The following RSPH1 variants were observed in gnomAD, a reference collection of about 807,000 sequenced individuals.
The protein encoded by RSPH1 is radial spoke head component 1, also known as radial spoke head 1 homolog.
A neutral mutation model predicts 44.2 loss-of-function variants in RSPH1; 32 were observed. The ratio of observed to expected loss-of-function variants is 0.72; its 90% CI spans 0.55 to 0.97. The LOEUF (loss-of-function observed/expected upper bound fraction) is 0.97, where lower values mean the gene tolerates loss of function less well. RSPH1 is among the 50% of genes least tolerant of loss of function. RSPH1 has a pLI of 0.00. For missense variants in RSPH1, 391 were observed against 398.7 expected, an observed-to-expected ratio of 0.98 and a Z score of 0.16; for synonymous variants, 134 against 147.3, an observed-to-expected ratio of 0.91 and a Z score of 0.65.
chr21:42,475,827 G>C, intron 8 of RSPH1, 71 bp downstream of exon 8: 1 of 1,548,104 alleles, frequency 6.5e-7, no homozygotes, highest in Non-Finnish European at 8.8e-7. Flanking sequence ...TTGGTGAAGG[G>C]AAGGGGAATC....
intron 6 of RSPH1, among the ~76,000 whole-genome samples, chr21:42,481,895 G>T (rs2054131121): frequency 1.3e-5 from 2 of 152,148 alleles, no homozygotes; most frequent in African/African-American, 4.8e-5. Context: ...ATTAATGTTA[G>T]ATATTGGAAA....
chr21:42,476,294 G>T (rs1346988273), intron 7 of RSPH1, among the ~76,000 whole-genome samples: 1 of 152,090 alleles, frequency 6.6e-6, no homozygotes, highest in Non-Finnish European at 1.5e-5. Context: ...ATTCCTGAGG[G>T]TGTTGATGAG....
Position 42,477,386 on chromosome 21 carries a change from G to A in RSPH1, c.632C>T (p.Ala211Val). ...ELVTVVPKWK[A>V]TQITELALWT... The stretch of plus-strand genomic sequence containing the variant: ...CAGGGCCAATTCAGTGATTTGGGTA[G>A]CTTTCCATTTTGGAACAACAGTTAC... The change falls in exon 7 of 9, where the codon GCT becomes GTT. Residue 211 changes from alanine (A) to valine (V), a missense_variant. Transcript: ENST00000291536. 1 of 1,614,094 alleles carries A rather than the reference G, an allele frequency of 6.2e-7. No individual in the cohort carries two copies. Among genetic ancestry groups the A allele is most frequent in the Non-Finnish European group, 8.5e-7 (1 of 1,179,948 alleles).
At position 42,496,116 on chromosome 21, in the gene RSPH1, T is replaced by G. The variant is rs1479343137; in HGVS notation, c.54+17A>C. Reference sequence around the variant, plus strand: ...GCTGCGCACCCTGGGAAGCCCTTTCTCACCAGGAGCTCTCACCCCAATATC... The same window carrying G: ...GCTGCGCACCCTGGGAAGCCCTTTCGCACCAGGAGCTCTCACCCCAATATC... On this transcript the variant is annotated intron_variant, in intron 1 of 8. Transcript: ENST00000291536. 6.2e-7 allele frequency: 1 copy of G among 1,613,920 alleles called. No homozygotes were observed. The highest frequency in any genetic ancestry group is 8.5e-7 in the Non-Finnish European group (1 of 1,179,968).
chr21:42,483,163 C>A (rs1318836244), intron 5 of RSPH1, among the ~76,000 whole-genome samples: 1 of 152,086 alleles, frequency 6.6e-6, no homozygotes, highest in African/African-American at 2.4e-5. Context: ...TAACAGTTGC[C>A]ACCTGGTACT....
At chr21:42,493,193 C>T in intron 1 of RSPH1, 114 bp from the exon 2 acceptor site, 1 of 855,164 alleles carries the variant, frequency 1.2e-6, no homozygotes, top group Non-Finnish European at 1.9e-6. Context: ...AAACCCCCGG[C>T]ACTATACTCA....
rs569055235 is a variant in RSPH1 at position 42,494,491 on chromosome 21, C to T, written c.55-1412G>A. Among the ~76,000 whole-genome samples, 13 of 152,280 alleles carry T rather than the reference C, an allele frequency of 8.5e-5. No homozygotes were observed. In the South Asian group the frequency reaches 2.7e-3, roughly 32 times the overall value. The stretch of plus-strand genomic sequence containing the variant: ...ATGTACAAAAGTCCCCTCCTTCTAT[C>T]CAAGAGGCTTCCCAATACACCCAAC... On this transcript the variant is annotated intron_variant, in intron 1 of 8. Transcript: ENST00000291536.
chr21:42,487,714 C>T (rs1248407482), intron 3 of RSPH1, among the ~76,000 whole-genome samples: 1 of 152,094 alleles, frequency 6.6e-6, no homozygotes, highest in East Asian at 1.9e-4. Context: ...AAGCTTCTGG[C>T]TTACACAAAA....
chr21:42,484,894 G>C (rs1311432770), intron 5 of RSPH1: 2 of 152,152 alleles, frequency 1.3e-5, no homozygotes, highest in African/African-American at 2.4e-5. Context: ...TGAATTATAC[G>C]TAAATGAAAA....
chr21:42,486,344 C>T (rs1338005048), intron 4 of RSPH1, 27 bp downstream of exon 4: 8 of 1,499,158 alleles, frequency 5.3e-6, no homozygotes, highest in Admixed American at 5.0e-5. Context: ...AAGCAAATCC[C>T]GTTAAGACCC....
chr21:42,485,473 C>T, intron 5 of RSPH1, 196 bp downstream of exon 5: 1 of 614,416 alleles, frequency 1.6e-6, no homozygotes, highest in East Asian at 2.9e-5. Flanking sequence ...CGGGCCAATC[C>T]CTCCCTTCCC....
chr21:42,479,815 G>T (rs2054107351), intron 6 of RSPH1, among the ~76,000 whole-genome samples: 1 of 151,986 alleles, frequency 6.6e-6, no homozygotes, highest in South Asian at 2.1e-4. Context: ...TCTACGTTTT[G>T]TTAGATGCAG....
In RSPH1 at chr21:42,496,126, C is replaced by T. The variant is rs1198333104; in HGVS notation, c.54+7G>A. 6.2e-6 allele frequency: 10 copies of T among 1,614,014 alleles called. No homozygotes were observed. Among genetic ancestry groups the T allele is most frequent in the Non-Finnish European group, 8.5e-6 (10 of 1,179,988 alleles). On this transcript the variant is annotated splice_region_variant and intron_variant, in intron 1 of 8. Transcript: ENST00000291536. Reference sequence around the variant, plus strand: ...CTGGGAAGCCCTTTCTCACCAGGAGCTCTCACCCCAATATCATTCTCTCCC... The same window carrying T: ...CTGGGAAGCCCTTTCTCACCAGGAGTTCTCACCCCAATATCATTCTCTCCC...
At chr21:42,491,781 T>C (rs1017547633) in intron 3 of RSPH1, among the ~76,000 whole-genome samples, 2 of 152,324 alleles carry the variant, frequency 1.3e-5, no homozygotes, top group Admixed American at 1.3e-4. Context: ...CAAGCAACTA[T>C]AGCTCGCACT....
intron 6 of RSPH1, among the ~76,000 whole-genome samples, chr21:42,479,908 TCTTA>T (rs2054108672): frequency 6.6e-6 from 1 of 152,180 alleles, no homozygotes; most frequent in African/African-American, 2.4e-5. Flanking sequence ...AGGTAGGGCC[TCTTA>T]CTTAGCAACA....
At chr21:42,483,567 G>A (rs1356627675) in intron 5 of RSPH1, among the ~76,000 whole-genome samples, 1 of 151,782 alleles carries the variant, frequency 6.6e-6, no homozygotes, top group East Asian at 1.9e-4. Flanking sequence ...AAATCACATT[G>A]ATTGATAAAA....
In RSPH1 at chr21:42,486,469, G is replaced by T; in HGVS notation, c.275-8C>A. 6.2e-7 allele frequency: 1 copy of T among 1,609,722 alleles called. No homozygotes were observed. The highest frequency in any genetic ancestry group is 1.1e-5 in the South Asian group (1 of 90,968). On this transcript the variant is annotated splice_region_variant and splice_polypyrimidine_tract_variant and intron_variant, in intron 3 of 8. Transcript: ENST00000291536. ...GGTCATTTGCCCACTCTCCTGAAAG[G>T]AACAACACAAAGGCAAGCCCAGGTG... is the stretch of plus-strand genomic sequence containing the variant.
At chr21:42,486,760 C>T (rs1292466221) in intron 3 of RSPH1, among the ~76,000 whole-genome samples, 1 of 152,100 alleles carries the variant, frequency 6.6e-6, no homozygotes, top group Non-Finnish European at 1.5e-5. Context: ...CAGGAGTTCA[C>T]GGGGTACAGA....
At chr21:42,479,556 T>C (rs1354148044) in intron 6 of RSPH1, among the ~76,000 whole-genome samples, 1 of 152,180 alleles carries the variant, frequency 6.6e-6, no homozygotes, top group Non-Finnish European at 1.5e-5. Flanking sequence ...CCTAAACAGT[T>C]ATTACCAGTG....
Sources: gnomAD v4.1 joint callset for allele counts (sites outside exome capture counted in the v4.1 genomes callset) on GRCh38, gnomAD v4.1.1 for gene constraint, MANE v1.5 for transcripts, NCBI Gene and HGNC (gene_info 2026-07-23, HGNC 2026-07-21) for gene names.